MIS18A: variants seen among roughly 807,000 people sequenced by gnomAD.
MIS18A encodes protein Mis18-alpha.
In MIS18A, 14 loss-of-function variants were observed where a neutral mutation model predicts 25.0. That is an observed-to-expected ratio of 0.56 (90% CI 0.37 to 0.88). MIS18A has a LOEUF of 0.88. MIS18A is among the 40% of genes least tolerant of loss of function. The pLI is 0.00. For synonymous variants in MIS18A, 134 were observed against 118.6 expected (o/e 1.13, Z -0.84); for missense variants, 292 against 290.8 (o/e 1.00, Z -0.03).
chr21:32,268,383 T>C lies in MIS18A; in HGVS notation c.*654A>G, dbSNP rs1218996041. 1 of 152,210 alleles carries C rather than the reference T, an allele frequency of 6.6e-6. No homozygotes were observed. Among genetic ancestry groups the C allele is most frequent in the African/African-American group, 2.4e-5 (1 of 41,436 alleles). The allele number at this position is 152,210 out of a possible 1,614,324, so 9.4% of individuals were successfully genotyped here. A position where few individuals can be genotyped will look rare whatever the true frequency, so the allele number is the denominator to read the frequency against. On this transcript the variant is annotated 3_prime_UTR_variant, in exon 5 of 5. Transcript: ENST00000290130. ...TATTCCTCCAGGTTTTTTAAGCATA[T>C]AGTAGTACATAAGCAGGAAAAAGTA...
the MIS18A span, among the ~76,000 whole-genome samples, chr21:32,203,612 GCTTT>G: frequency 9.0e-6 from 1 of 111,096 alleles, no homozygotes; most frequent in Non-Finnish European, 1.9e-5. Flanking sequence ...TTTTTTAAAT[GCTTT>G]TTTTTTTTTT....
the MIS18A span, among the ~76,000 whole-genome samples, chr21:32,235,684 C>T: frequency 8.5e-5 from 13 of 152,246 alleles, no homozygotes; most frequent in Non-Finnish European, 1.5e-4. Flanking sequence ...CTGCAAAGGC[C>T]AAGGCGAGTG....
At chr21:32,187,273 T>G in the MIS18A span, among the ~76,000 whole-genome samples, 1 of 152,236 alleles carries the variant, frequency 6.6e-6, no homozygotes, top group African/African-American at 2.4e-5. Context: ...TATTTTTATT[T>G]TCCTGTAGCT....
chr21:32,278,857 C>T lies in MIS18A; in HGVS notation c.158G>A (p.Ser53Asn). The T allele has an allele frequency of 1.9e-6, 3 of 1,612,404 alleles. No homozygotes were observed. The highest frequency in any genetic ancestry group is 2.5e-6 in the Non-Finnish European group (3 of 1,179,570). The change falls in exon 1 of 5, where the codon AGC (serine) becomes AAC (asparagine). Residue 53 changes from serine to asparagine, a missense_variant. Ser to Asn is a conservative substitution (Grantham distance 46). Transcript: ENST00000290130. ...CACCGACGCGTCTTCGCTCATGGAG[C>T]TCCACATGCTCGCCCACTTCTGCAA... Reference protein sequence around the residue: ...QLLQKWASMWSSMSEDASVAD... With the variant: ...QLLQKWASMWNSMSEDASVAD...
the MIS18A span, among the ~76,000 whole-genome samples, chr21:32,253,942 T>A: frequency 1.3e-5 from 2 of 152,232 alleles, no homozygotes; most frequent in Non-Finnish European, 2.9e-5. Flanking sequence ...TAAATCCCTA[T>A]AGAAGTAAAT....
At chr21:32,219,578 G>T in the MIS18A span, among the ~76,000 whole-genome samples, 1 of 152,108 alleles carries the variant, frequency 6.6e-6, no homozygotes, top group Non-Finnish European at 1.5e-5. Context: ...GATAGCTGCA[G>T]AAGTCTTTTT....
At chr21:32,208,726 A>G in the MIS18A span, among the ~76,000 whole-genome samples, 1 of 152,220 alleles carries the variant, frequency 6.6e-6, no homozygotes, top group South Asian at 2.1e-4. Context: ...ACCAATTTAC[A>G]GGAGCTTTGG....
chr21:32,164,082 T>C, the MIS18A span, among the ~76,000 whole-genome samples: 1 of 152,280 alleles, frequency 6.6e-6, no homozygotes, highest in East Asian at 1.9e-4. Flanking sequence ...ATGTGAGGAC[T>C]GCACCAAGCC....
the MIS18A span, among the ~76,000 whole-genome samples, chr21:32,187,658 G>A: frequency 3.9e-5 from 6 of 152,094 alleles, no homozygotes; most frequent in East Asian, 1.9e-4. Context: ...GTGAGCCCTC[G>A]CATAATAAAT....
the MIS18A span, among the ~76,000 whole-genome samples, chr21:32,210,868 T>C: frequency 3.9e-5 from 6 of 152,152 alleles, no homozygotes; most frequent in African/African-American, 9.6e-5. Flanking sequence ...AAACCATGAG[T>C]GTGGGGTTTA....
chr21:32,175,465 T>A, the MIS18A span, among the ~76,000 whole-genome samples: 10 of 152,216 alleles, frequency 6.6e-5, no homozygotes, highest in South Asian at 1.5e-3. Flanking sequence ...ATAAACTTTT[T>A]AATTTTTTTT....
chr21:32,166,995 T>G, the MIS18A span, among the ~76,000 whole-genome samples: 4 of 152,214 alleles, frequency 2.6e-5, no homozygotes, highest in South Asian at 8.3e-4. Context: ...AACCTCAGCA[T>G]GATATAATGC....
At position 32,270,564 on chromosome 21, in the gene MIS18A, A is replaced by T. The variant is rs777616810; in HGVS notation, c.402-35T>A. On this transcript the variant is annotated intron_variant, in intron 2 of 4. Coordinates refer to ENST00000290130, the MANE Select transcript of MIS18A (RefSeq NM_018944.3). ...AGAAATGTCTTGCTTTAGGAAACGA[A>T]GCAGCAACTCATTATAATAAAAATC... The T allele has an allele frequency of 1.3e-6, 2 of 1,494,564 alleles. 1 individual carries two copies. The highest frequency in any genetic ancestry group is 4.8e-5 in the East Asian group (2 of 41,546). The allele number at this position is 1,494,564 out of a possible 1,614,324, so 92.6% of individuals were successfully genotyped here.
At chr21:32,228,771 G>A in the MIS18A span, among the ~76,000 whole-genome samples, 1 of 152,030 alleles carries the variant, frequency 6.6e-6, no homozygotes, top group Admixed American at 6.5e-5. Context: ...TAATCAAAAA[G>A]AATAAAATGC....
At chr21:32,242,641 C>T in the MIS18A span, among the ~76,000 whole-genome samples, 1 of 152,094 alleles carries the variant, frequency 6.6e-6, no homozygotes, top group South Asian at 2.1e-4. Context: ...CAGTATTTAG[C>T]CAGTGAATCA....
the MIS18A span, among the ~76,000 whole-genome samples, chr21:32,222,732 C>T: frequency 3.5e-4 from 46 of 132,358 alleles, no homozygotes; most frequent in African/African-American, 1.1e-3. Context: ...GAGATCAAGA[C>T]CATCCTGGCT....
chr21:32,171,513 A>G, the MIS18A span, among the ~76,000 whole-genome samples: 3 of 152,208 alleles, frequency 2.0e-5, no homozygotes, highest in East Asian at 1.9e-4. Context: ...TCATCATTGT[A>G]TGCACATCAT....
At position 32,274,987 on chromosome 21, in the gene MIS18A, T is replaced by C; in HGVS notation, c.335-91A>G. The C allele has an allele frequency of 2.8e-6, 3 of 1,077,608 alleles. No homozygotes were observed. In the South Asian group the frequency reaches 4.4e-5, roughly 16 times the overall value. The allele number at this position is 1,077,608 out of a possible 1,614,324, so 66.8% of individuals were successfully genotyped here. On this transcript the variant is annotated intron_variant, in intron 1 of 4. Coordinates refer to ENST00000290130, the MANE Select transcript of MIS18A (RefSeq NM_018944.3). The stretch of plus-strand genomic sequence containing the variant: ...AGTTTCTAATCCAACTTTTTAGAAC[T>C]CGGAGGACAAAAAATAAGCCCAAAG...
At chr21:32,231,490 T>A in the MIS18A span, among the ~76,000 whole-genome samples, 6 of 152,314 alleles carry the variant, frequency 3.9e-5, no homozygotes, top group East Asian at 1.2e-3. Flanking sequence ...CACAATGCGA[T>A]ATCACGTCAC....
Sources: allele counts gnomAD v4.1 joint callset (sites outside exome capture counted in the v4.1 genomes callset), GRCh38; gene constraint gnomAD v4.1.1; transcripts MANE v1.5; gene names NCBI Gene and HGNC (gene_info 2026-07-23, HGNC 2026-07-21).